Variants in CIMAP2 observed in about 807,000 individuals in gnomAD.
The protein encoded by CIMAP2 is ciliary microtubule-associated protein 2.
chr1:54,834,804 A>G, the CIMAP2 span, among the ~76,000 whole-genome samples: 10 of 152,210 alleles, frequency 6.6e-5, no homozygotes, highest in Admixed American at 3.3e-4. Flanking sequence ...GAGGTGTGGC[A>G]TTTTCCACTT....
At chr1:54,836,468 C>T in the CIMAP2 span, among the ~76,000 whole-genome samples, 1 of 151,234 alleles carries the variant, frequency 6.6e-6, no homozygotes, top group South Asian at 2.1e-4. Context: ...ATGCTCTTTG[C>T]TTGGGCTGGA....
chr1:54,828,430 C>T, the CIMAP2 span, among the ~76,000 whole-genome samples: 1 of 152,130 alleles, frequency 6.6e-6, no homozygotes, highest in Admixed American at 6.5e-5. Flanking sequence ...CTCCCAGGCT[C>T]AATAGACCAT....
At chr1:54,837,658 T>C in the CIMAP2 span, among the ~76,000 whole-genome samples, 2 of 152,078 alleles carry the variant, frequency 1.3e-5, no homozygotes, top group Admixed American at 1.3e-4. Context: ...TGGCCCCCAG[T>C]CTTTGGGACG....
At chr1:54,833,466 C>T in the CIMAP2 span, among the ~76,000 whole-genome samples, 30,297 of 152,066 alleles carry the variant, frequency 0.2, 3,948 homozygotes, top group African/African-American at 0.36. Context: ...CTGGAATGTG[C>T]GGCTACAGCT....
At chr1:54,806,868 A>G in the CIMAP2 span, 1 of 856,374 alleles carries the variant, frequency 1.2e-6, no homozygotes, top group Non-Finnish European at 2.0e-6. Context: ...CAACTCCACT[A>G]CTTTTCTTTC....
chr1:54,824,432 T>A, the CIMAP2 span, among the ~76,000 whole-genome samples: 2 of 152,186 alleles, frequency 1.3e-5, no homozygotes, highest in Non-Finnish European at 1.5e-5. Flanking sequence ...GGTGTCTATA[T>A]CTTTTGCAAG....
At chr1:54,818,767 A>T in the CIMAP2 span, among the ~76,000 whole-genome samples, 5 of 149,264 alleles carry the variant, frequency 3.3e-5, no homozygotes, top group Non-Finnish European at 7.4e-5. Flanking sequence ...AATTTTTGTT[A>T]TTTTTTGTAG....
the CIMAP2 span, among the ~76,000 whole-genome samples, chr1:54,838,362 A>G: frequency 6.6e-6 from 1 of 151,968 alleles, no homozygotes; most frequent in Non-Finnish European, 1.5e-5. Context: ...GGGTGCCTGT[A>G]GTCCCAACTA....
the CIMAP2 span, among the ~76,000 whole-genome samples, chr1:54,822,231 G>A: frequency 1.3e-5 from 2 of 152,082 alleles, no homozygotes; most frequent in Non-Finnish European, 2.9e-5. Context: ...GCTCTGGCTA[G>A]GACTTCCAGT....
At chr1:54,806,118 T>C in the CIMAP2 span, 2 of 1,535,694 alleles carry the variant, frequency 1.3e-6, no homozygotes, top group Non-Finnish European at 1.7e-6. Context: ...AGGCCTGCCA[T>C]GAGGGAAAGC....
At chr1:54,829,634 A>C in the CIMAP2 span, among the ~76,000 whole-genome samples, 1 of 152,182 alleles carries the variant, frequency 6.6e-6, no homozygotes, top group Non-Finnish European at 1.5e-5. Context: ...GGTGACCAGA[A>C]AAAGTCTGCC....
chr1:54,831,701 T>C, the CIMAP2 span, among the ~76,000 whole-genome samples: 2 of 151,996 alleles, frequency 1.3e-5, no homozygotes, highest in Non-Finnish European at 2.9e-5. Flanking sequence ...CATCTGGCTA[T>C]GATATATCAG....
chr1:54,811,777 C>G, the CIMAP2 span: 1 of 511,436 alleles, frequency 2.0e-6, no homozygotes, highest in Non-Finnish European at 3.7e-6. Flanking sequence ...CTCCATGCCC[C>G]CACCCCCGCC....
chr1:54,811,972 C>T, the CIMAP2 span: 1,647 of 1,614,114 alleles, frequency 1.0e-3, 40 homozygotes, highest in East Asian at 0.029. Flanking sequence ...CCTTCCCGTC[C>T]TGCAGGGGCA....
At chr1:54,822,655 C>T in the CIMAP2 span, among the ~76,000 whole-genome samples, 1 of 152,142 alleles carries the variant, frequency 6.6e-6, no homozygotes, top group Non-Finnish European at 1.5e-5. Flanking sequence ...AGGTGCACAT[C>T]ACCATGCCCA....
At chr1:54,810,891 C>T in the CIMAP2 span, among the ~76,000 whole-genome samples, 1 of 152,200 alleles carries the variant, frequency 6.6e-6, no homozygotes, top group Non-Finnish European at 1.5e-5. Context: ...GCCTGTGAGC[C>T]TCCACTACTG....
the CIMAP2 span, among the ~76,000 whole-genome samples, chr1:54,816,696 C>T: frequency 6.6e-6 from 1 of 152,280 alleles, no homozygotes; most frequent in African/African-American, 2.4e-5. Context: ...GCATGGCTGT[C>T]TTCCTGTGTA....
At chr1:54,807,180 C>T in the CIMAP2 span, 50 of 1,310,266 alleles carry the variant, frequency 3.8e-5, no homozygotes, top group Middle Eastern at 1.8e-4. Context: ...GTAGAAGGGG[C>T]GTACTTTCTA....
At chr1:54,809,689 G>A in the CIMAP2 span, among the ~76,000 whole-genome samples, 2 of 151,972 alleles carry the variant, frequency 1.3e-5, no homozygotes, top group Non-Finnish European at 2.9e-5. Flanking sequence ...CATAGTTCTT[G>A]GACTTTGCTC....
Sources: allele counts gnomAD v4.1 joint callset (sites outside exome capture counted in the v4.1 genomes callset), GRCh38; gene constraint gnomAD v4.1.1; transcripts MANE v1.5; gene names NCBI Gene and HGNC (gene_info 2026-07-23, HGNC 2026-07-21).